TRIM71: variants seen among roughly 807,000 people sequenced by gnomAD.
TRIM71 encodes E3 ubiquitin-protein ligase TRIM71.
In TRIM71, 9 loss-of-function variants were observed where a neutral mutation model predicts 61.2. The observed-to-expected ratio is 0.15, with a 90% CI of 0.09 to 0.26. The LOEUF (loss-of-function observed/expected upper bound fraction) is 0.26. TRIM71 is among the 10% of genes least tolerant of loss of function. TRIM71 has a pLI of 1.00. For synonymous variants in TRIM71, 645 were observed against 553.2 expected (o/e 1.17, Z -2.33); for missense variants, 998 against 1,238.7 (o/e 0.81, Z 2.92).
At chr3:32,876,643 G>A (rs768094231) in intron 2 of TRIM71, among the ~76,000 whole-genome samples, 1 of 152,184 alleles carries the variant, frequency 6.6e-6, no homozygotes, top group Non-Finnish European at 1.5e-5. Flanking sequence ...CTCCTAGATT[G>A]TGATATGATT....
intron 1 of TRIM71, among the ~76,000 whole-genome samples, chr3:32,863,195 C>CTTTTTTT (rs11348995): frequency 5.6e-5 from 3 of 53,750 alleles, no homozygotes; most frequent in African/African-American, 1.4e-4. Flanking sequence ...TTAATTGAAC[C>CTTTTTTT]TTTTTTTTTT....
intron 1 of TRIM71, among the ~76,000 whole-genome samples, chr3:32,853,120 C>CT (rs57169750): frequency 1.0e-5 from 1 of 97,166 alleles, no homozygotes; most frequent in Non-Finnish European, 2.1e-5. Flanking sequence ...CTCTCTCTCT[C>CT]TTTTTTTTTT....
At chr3:32,834,729 C>G (rs1250892855) in intron 1 of TRIM71, among the ~76,000 whole-genome samples, 1 of 152,110 alleles carries the variant, frequency 6.6e-6, no homozygotes, top group African/African-American at 2.4e-5. Context: ...GTAGTCCCAG[C>G]TACCCCGGAT....
intron 1 of TRIM71, among the ~76,000 whole-genome samples, chr3:32,835,394 G>A (rs62251926): frequency 0.014 from 2,158 of 152,136 alleles, 16 homozygotes; most frequent in Admixed American, 0.025. Context: ...AAGCAGACAG[G>A]TTGGCTCACT....
intron 1 of TRIM71, among the ~76,000 whole-genome samples, chr3:32,866,294 G>GCT (rs2125686761): frequency 6.6e-6 from 1 of 152,022 alleles, no homozygotes; most frequent in Admixed American, 6.5e-5. Flanking sequence ...TGTCTCCTGG[G>GCT]CTGGAGTGCA....
chr3:32,824,185 G>A (rs1696174075), intron 1 of TRIM71, among the ~76,000 whole-genome samples: 1 of 151,924 alleles, frequency 6.6e-6, no homozygotes, highest in Non-Finnish European at 1.5e-5. Flanking sequence ...TAGTCCTTTT[G>A]TTTTTTTCTG....
intron 2 of TRIM71, among the ~76,000 whole-genome samples, chr3:32,878,380 C>T (rs1326799229): frequency 1.3e-5 from 2 of 152,196 alleles, no homozygotes; most frequent in African/African-American, 2.4e-5. Context: ...GAGCCCGAGG[C>T]GGGTGGATCA....
chr3:32,871,046 A>G (rs960383082), intron 1 of TRIM71, among the ~76,000 whole-genome samples: 3 of 151,124 alleles, frequency 2.0e-5, no homozygotes, highest in Non-Finnish European at 4.4e-5. Context: ...GACTACAGGC[A>G]TGAGCTGCCA....
intron 1 of TRIM71, among the ~76,000 whole-genome samples, chr3:32,825,265 G>C (rs931436554): frequency 5.3e-5 from 8 of 152,172 alleles, no homozygotes; most frequent in Non-Finnish European, 1.2e-4. Flanking sequence ...TATAGTAAGG[G>C]AGTTAGCTCT....
At chr3:32,880,851 A>C (rs1488609586) in intron 2 of TRIM71, among the ~76,000 whole-genome samples, 1 of 152,186 alleles carries the variant, frequency 6.6e-6, no homozygotes, top group Non-Finnish European at 1.5e-5. Flanking sequence ...TGGTTTCTAC[A>C]TAAGAAAGTT....
At chr3:32,889,601 T>TATC (rs1491074554) in intron 3 of TRIM71, among the ~76,000 whole-genome samples, 2 of 148,578 alleles carry the variant, frequency 1.3e-5, no homozygotes, top group African/African-American at 4.9e-5. Context: ...TTATTATTAT[T>TATC]ATTTTGAGAC....
chr3:32,854,650 A>G lies in TRIM71; in HGVS notation c.853-19168A>G, dbSNP rs143085289. On this transcript the variant is annotated intron_variant, in intron 1 of 3. Transcript: ENST00000383763. Reference sequence around the variant, plus strand: ...TAAATCTTTCTAGCCCTCAGCTCCAACTCCTCACAAAGTTGTTTTATGTTC... The same window carrying G: ...TAAATCTTTCTAGCCCTCAGCTCCAGCTCCTCACAAAGTTGTTTTATGTTC... Among the ~76,000 whole-genome samples, 1,047 of 151,934 alleles carry G rather than the reference A, an allele frequency of 6.9e-3. 25 individuals carry two copies. The highest frequency in any genetic ancestry group is 9.3e-3 in the East Asian group (48 of 5,164).
chr3:32,882,728 G>A (rs1485984489), intron 2 of TRIM71, among the ~76,000 whole-genome samples: 10 of 152,044 alleles, frequency 6.6e-5, no homozygotes, highest in African/African-American at 2.4e-4. Context: ...TTTTTTTGTA[G>A]AGACGGGGTC....
At chr3:32,843,850 T>C (rs1034547454) in intron 1 of TRIM71, among the ~76,000 whole-genome samples, 3 of 152,154 alleles carry the variant, frequency 2.0e-5, no homozygotes, top group Non-Finnish European at 4.4e-5. Flanking sequence ...AACCAGGGTG[T>C]GGGCAAGGGT....
Position 32,891,925 on chromosome 3 carries a change from T to C in TRIM71, c.*114T>C. 7.1e-7 allele frequency: 1 copy of C among 1,400,792 alleles called. No homozygotes were observed. Among genetic ancestry groups the C allele is most frequent in the Non-Finnish European group, 9.4e-7 (1 of 1,068,108 alleles). 86.8% of individuals were successfully genotyped at this position (1,400,792 alleles called of 1,614,324 possible). On this transcript the variant is annotated 3_prime_UTR_variant, in exon 4 of 4. Coordinates refer to ENST00000383763, the MANE Select transcript of TRIM71 (RefSeq NM_001039111.3). This position sits in a 1 kb window ranked among gnomAD's most constrained non-coding sequence, Gnocchi z 8.2. ...CAAAGAAGAAACAGTCTCAGGGAAA[T>C]TTCTTTTTTCTTTTTTTTTTTTAAA... is the stretch of plus-strand genomic sequence containing the variant.
At chr3:32,841,629 C>A (rs557710118) in intron 1 of TRIM71, among the ~76,000 whole-genome samples, 1 of 152,124 alleles carries the variant, frequency 6.6e-6, no homozygotes, top group Non-Finnish European at 1.5e-5. Context: ...CCCCCACCCC[C>A]CAAAAGAAAA....
intron 1 of TRIM71, among the ~76,000 whole-genome samples, chr3:32,852,415 A>G (rs1284498904): frequency 2.6e-5 from 4 of 152,200 alleles, no homozygotes; most frequent in South Asian, 2.1e-4. Context: ...CAGTGGTTCA[A>G]ACAAATGCAG....
intron 2 of TRIM71, among the ~76,000 whole-genome samples, chr3:32,875,010 G>A (rs1158992955): frequency 6.6e-6 from 1 of 151,160 alleles, no homozygotes; most frequent in African/African-American, 2.4e-5. Flanking sequence ...TAGTAGAGAC[G>A]GGGTTTCACC....
chr3:32,846,266 A>G (rs960449752), intron 1 of TRIM71, among the ~76,000 whole-genome samples: 10 of 151,814 alleles, frequency 6.6e-5, no homozygotes, highest in Non-Finnish European at 1.2e-4. Context: ...TAGTAGAGAC[A>G]GGGTTTCACC....
Sources: gnomAD v4.1 joint callset for allele counts (sites outside exome capture counted in the v4.1 genomes callset) on GRCh38, gnomAD v4.1.1 for gene constraint, Gnocchi (gnomAD v3.1) non-coding constraint, MANE v1.5 for transcripts, NCBI Gene and HGNC (gene_info 2026-07-23, HGNC 2026-07-21) for gene names.